The following PLA2R1 variants were observed in gnomAD, a reference collection of about 807,000 sequenced individuals.
PLA2R1 encodes secretory phospholipase A2 receptor.
A neutral mutation model predicts 195.9 loss-of-function variants in PLA2R1; 158 were observed. The ratio of observed to expected loss-of-function variants is 0.81; its 90% CI spans 0.71 to 0.92. The LOEUF is 0.92. PLA2R1 is among the 40% of genes least tolerant of loss of function. PLA2R1 has a pLI of 0.00. For synonymous variants in PLA2R1, 586 were observed against 598.2 expected (o/e 0.98, Z 0.30); for missense variants, 1,626 against 1,764.6 (o/e 0.92, Z 1.41).
chr2:159,967,391 A>C, intron 20 of PLA2R1, 148 bp downstream of exon 20: 1 of 620,304 alleles, frequency 1.6e-6, no homozygotes, highest in East Asian at 2.7e-5. Flanking sequence ...TAAATGGAAA[A>C]CTCAAATTTC....
At chr2:159,976,354 A>C (rs1285573068) in intron 16 of PLA2R1, 129 bp from the exon 17 acceptor site, 1 of 635,116 alleles carries the variant, frequency 1.6e-6, no homozygotes, top group East Asian at 2.8e-5. Context: ...TTGAACACAC[A>C]CACACAGACA....
chr2:160,060,815 C>T (rs1695900939), intron 1 of PLA2R1, among the ~76,000 whole-genome samples: 1 of 152,200 alleles, frequency 6.6e-6, no homozygotes, highest in African/African-American at 2.4e-5. Context: ...CCTGTTCTAC[C>T]ACCTAGTGCC....
At position 159,935,463 on chromosome 2, in the gene PLA2R1, T is replaced by C. The variant is rs1415111081; in HGVS notation, c.*6315A>G. 1 of 152,238 alleles carries C rather than the reference T, an allele frequency of 6.6e-6. No individual in the cohort carries two copies. The highest frequency in any genetic ancestry group is 1.5e-5 in the Non-Finnish European group (1 of 68,032). The allele number at this position is 152,238 out of a possible 1,614,324, so 9.4% of individuals were successfully genotyped here. A position where few individuals can be genotyped will look rare whatever the true frequency, so the allele number is the denominator to read the frequency against. On this transcript the variant is annotated 3_prime_UTR_variant, in exon 30 of 30. Coordinates refer to ENST00000283243, the MANE Select transcript of PLA2R1 (RefSeq NM_007366.5). ...TTCTTTTCATTCATTCATTCACTCA[T>C]TCAATTGTTTACATCAGTATGGACA...
chr2:159,963,018 AACTTAAAGTATATAAAAAAATCCTCTTTT>A (rs1344078530), intron 20 of PLA2R1, among the ~76,000 whole-genome samples: 1 of 152,184 alleles, frequency 6.6e-6, no homozygotes, highest in Non-Finnish European at 1.5e-5. Flanking sequence ...TGTACCCCAG[AACTTAAAGTATATAAAAAAATCCTCTTTT>A]ACACATGAGA....
chr2:159,943,681 G>A (rs1459171223), intron 28 of PLA2R1, among the ~76,000 whole-genome samples: 1 of 152,136 alleles, frequency 6.6e-6, no homozygotes, highest in African/African-American at 2.4e-5. Flanking sequence ...TGAAACAGGT[G>A]TCATCTGCAT....
intron 2 of PLA2R1, among the ~76,000 whole-genome samples, chr2:160,044,063 A>G (rs551926287): frequency 1.3e-5 from 2 of 151,416 alleles, no homozygotes; most frequent in African/African-American, 4.9e-5. Flanking sequence ...ATGGATAGAT[A>G]GATGGATGGA....
chr2:160,062,033 GC>G (rs1299429393), intron 1 of PLA2R1, among the ~76,000 whole-genome samples: 10 of 152,046 alleles, frequency 6.6e-5, no homozygotes, highest in South Asian at 2.1e-4. Context: ...GCGAGACCAA[GC>G]CCCCCCGCCC....
chr2:160,009,675 A>G (rs1277634682), intron 10 of PLA2R1, among the ~76,000 whole-genome samples: 1 of 150,600 alleles, frequency 6.6e-6, no homozygotes, highest in Non-Finnish European at 1.5e-5. Flanking sequence ...AAAATGACTA[A>G]CATGGTGAAT....
intron 10 of PLA2R1, among the ~76,000 whole-genome samples, chr2:160,009,538 A>T (rs1692218082): frequency 6.6e-6 from 1 of 152,180 alleles, no homozygotes; most frequent in African/African-American, 2.4e-5. Flanking sequence ...GGAGGGGAGA[A>T]TAGGCAGCTA....
At chr2:159,971,471 C>A (rs558416557) in intron 17 of PLA2R1, among the ~76,000 whole-genome samples, 1 of 127,022 alleles carries the variant, frequency 7.9e-6, no homozygotes, top group African/African-American at 2.5e-5. Context: ...CACGTGTGTG[C>A]GCGCACACAC....
intron 19 of PLA2R1, among the ~76,000 whole-genome samples, chr2:159,968,232 CT>C (rs56771818): frequency 0.033 from 4,634 of 141,824 alleles, 86 homozygotes; most frequent in African/African-American, 0.068. Flanking sequence ...AAACTAACTG[CT>C]TTTTTTTTTT....
At chr2:159,988,007 A>G (rs1690474484) in intron 11 of PLA2R1, among the ~76,000 whole-genome samples, 1 of 152,216 alleles carries the variant, frequency 6.6e-6, no homozygotes, top group African/African-American at 2.4e-5. Flanking sequence ...ATATTGGAAA[A>G]TGTGATATAC....
At chr2:160,053,360 G>GGA (rs1559022446) in intron 1 of PLA2R1, among the ~76,000 whole-genome samples, 1 of 130,582 alleles carries the variant, frequency 7.7e-6, no homozygotes, top group African/African-American at 2.8e-5. Context: ...GGGGGGGGGG[G>GGA]AACAATTCAG....
intron 24 of PLA2R1, among the ~76,000 whole-genome samples, chr2:159,951,090 T>C (rs1171978660): frequency 6.6e-6 from 1 of 152,170 alleles, no homozygotes; most frequent in East Asian, 1.9e-4. Context: ...CAGAGAACCT[T>C]TGAATGGTAT....
At chr2:159,959,617 G>T (rs528978892) in intron 20 of PLA2R1, among the ~76,000 whole-genome samples, 138 of 152,024 alleles carry the variant, frequency 9.1e-4, no homozygotes, top group Non-Finnish European at 1.7e-3. Flanking sequence ...ATTCTTTTTT[G>T]TCTCAAAATC....
chr2:160,043,166 T>C (rs890230983), intron 2 of PLA2R1, among the ~76,000 whole-genome samples: 4 of 152,156 alleles, frequency 2.6e-5, no homozygotes, highest in Non-Finnish European at 5.9e-5. Flanking sequence ...CTTTGGCCTC[T>C]ACCCTGAGGG....
At chr2:159,946,083 C>T (rs1687370770) in intron 27 of PLA2R1, 17 of 915,654 alleles carry the variant, frequency 1.9e-5, no homozygotes, top group Admixed American at 6.2e-5. Flanking sequence ...GGGGTAGGGG[C>T]GGTAGGAGAG....
intron 9 of PLA2R1, among the ~76,000 whole-genome samples, 155 bp from the exon 10 acceptor site, chr2:160,013,530 A>T (rs1185898172): frequency 2.6e-5 from 4 of 152,182 alleles, no homozygotes; most frequent in African/African-American, 9.7e-5. Flanking sequence ...TATTTATTCT[A>T]TCCAGTAATG....
At chr2:160,031,565 T>C (rs1035154846) in intron 4 of PLA2R1, among the ~76,000 whole-genome samples, 7 of 152,176 alleles carry the variant, frequency 4.6e-5, no homozygotes, top group Non-Finnish European at 8.8e-5. Context: ...TGCATTGTTA[T>C]TATTTCCACT....
Sources: gnomAD v4.1 joint callset for allele counts (sites outside exome capture counted in the v4.1 genomes callset) on GRCh38, gnomAD v4.1.1 for gene constraint, MANE v1.5 for transcripts, NCBI Gene and HGNC (gene_info 2026-07-23, HGNC 2026-07-21) for gene names.